Variants in HHLA2 observed in about 807,000 individuals in gnomAD.
HHLA2 encodes HERV-H LTR-associating protein 2.
A neutral mutation model predicts 45.9 loss-of-function variants in HHLA2; 48 were observed. The observed-to-expected ratio is 1.05, with a 90% CI of 0.83 to 1.33. HHLA2 has a LOEUF of 1.33. Among genes scored for constraint, HHLA2 ranks in the 40% most tolerant of loss-of-function variants. The pLI is 0.00. For missense variants in HHLA2, 462 were observed against 494.3 expected (o/e 0.93, Z 0.62); for synonymous variants, 161 against 173.9 (o/e 0.93, Z 0.59).
chr3:108,322,133 C>G (rs1484719523), intron 2 of HHLA2, among the ~76,000 whole-genome samples: 1 of 152,014 alleles, frequency 6.6e-6, no homozygotes, highest in African/African-American at 2.4e-5. Flanking sequence ...TCTGGTAATC[C>G]CTCAATGTCT....
intron 3 of HHLA2, among the ~76,000 whole-genome samples, chr3:108,330,814 C>A (rs1040088937): frequency 1.1e-4 from 16 of 152,108 alleles, no homozygotes; most frequent in African/African-American, 3.6e-4. Flanking sequence ...AGATGCCTAA[C>A]CCACAGAGAT....
In HHLA2 at chr3:108,307,626, C is replaced by T. The variant is rs533135466; in HGVS notation, c.-191-3029C>T. On this transcript the variant is annotated intron_variant, in intron 1 of 10. Coordinates refer to ENST00000619531, the Ensembl canonical transcript of HHLA2. ...TTCAGTCTGGGCAATAAGAGTGAAA[C>T]TCTGTCTCAAAAAAAAAAAAAAGAG... Among the ~76,000 whole-genome samples, 5 of 149,858 alleles carry T rather than the reference C, an allele frequency of 3.3e-5. No individual in the cohort carries two copies. The South Asian group carries it at 1.1e-3, about 32-fold the overall frequency.
chr3:108,351,874 C>G, exon 4 of HHLA2: 2 of 1,605,844 alleles, frequency 1.2e-6, no homozygotes, highest in Non-Finnish European at 1.7e-6. Context: ...GAGTGGATCT[C>G]AAGGTAATTT....
chr3:108,318,550 G>A (rs2081142624), intron 2 of HHLA2, among the ~76,000 whole-genome samples: 2 of 151,920 alleles, frequency 1.3e-5, no homozygotes. Flanking sequence ...TCTAATTCCT[G>A]GAAATAAAAA....
chr3:108,334,807 C>T (rs548270333), intron 3 of HHLA2, among the ~76,000 whole-genome samples: 1 of 152,226 alleles, frequency 6.6e-6, no homozygotes, highest in South Asian at 2.1e-4. Context: ...GCTATGGGAT[C>T]CCAGGGGTGA....
intron 2 of HHLA2, among the ~76,000 whole-genome samples, chr3:108,316,372 T>G (rs2081103001): frequency 6.6e-6 from 1 of 152,228 alleles, no homozygotes; most frequent in Non-Finnish European, 1.5e-5. Context: ...GTAGGCATGA[T>G]AAATATTAAA....
chr3:108,302,100 G>A (rs1249056237), intron 1 of HHLA2, among the ~76,000 whole-genome samples: 2 of 152,156 alleles, frequency 1.3e-5, no homozygotes, highest in East Asian at 3.8e-4. Flanking sequence ...ACACAAGAAT[G>A]TATACTTGTG....
intron 3 of HHLA2, among the ~76,000 whole-genome samples, chr3:108,347,242 G>T (rs535293960): frequency 4.0e-4 from 61 of 152,300 alleles, no homozygotes; most frequent in African/African-American, 1.4e-3. Context: ...ACTAAATCAA[G>T]CCTTTGTGTA....
chr3:108,323,483 A>G (rs993170889), intron 2 of HHLA2, among the ~76,000 whole-genome samples: 2 of 152,172 alleles, frequency 1.3e-5, no homozygotes, highest in Non-Finnish European at 2.9e-5. Flanking sequence ...GATAAGAAAC[A>G]AAATTATAAA....
At chr3:108,355,029 T>C in intron 5 of HHLA2, 86 bp from the exon 5 acceptor site, 1 of 1,372,698 alleles carries the variant, frequency 7.3e-7, no homozygotes, top group Non-Finnish European at 9.8e-7. Flanking sequence ...TTTCATTTCA[T>C]GGATATTAAA....
In HHLA2 at chr3:108,339,648, C is replaced by T. The variant is rs559154281; in HGVS notation, c.-27+11301C>T. ...AATACTACCAAAAGGGTTAATAAAACGCAAGAGAAAAGAGAAAATTATTGA... is the reference window on the plus strand; with the variant it reads ...AATACTACCAAAAGGGTTAATAAAATGCAAGAGAAAAGAGAAAATTATTGA... On this transcript the variant is annotated intron_variant, in intron 3 of 10. Transcript: ENST00000619531. 1.4e-3 allele frequency among the ~76,000 whole-genome samples: 219 copies of T among 152,010 alleles called. 1 individual carries two copies. The highest frequency in any genetic ancestry group is 4.7e-3 in the African/African-American group (193 of 41,484).
chr3:108,311,191 G>A (rs2081012847), intron 2 of HHLA2, among the ~76,000 whole-genome samples: 1 of 152,102 alleles, frequency 6.6e-6, no homozygotes, highest in Non-Finnish European at 1.5e-5. Context: ...TTTCTAATAA[G>A]CCTGTAATCA....
At chr3:108,349,020 CTTTATA>C (rs2081725201) in intron 3 of HHLA2, among the ~76,000 whole-genome samples, 1 of 152,050 alleles carries the variant, frequency 6.6e-6, no homozygotes, top group Admixed American at 6.5e-5. Flanking sequence ...GCCACATTTT[CTTTATA>C]CAGTCTATCA....
intron 2 of HHLA2, among the ~76,000 whole-genome samples, chr3:108,319,082 G>A (rs769841491): frequency 2.6e-5 from 4 of 151,958 alleles, no homozygotes; most frequent in African/African-American, 7.3e-5. Flanking sequence ...TCCCACATCC[G>A]AAATTCCTGT....
chr3:108,317,664 T>C (rs1049989799), intron 2 of HHLA2, among the ~76,000 whole-genome samples: 4 of 150,612 alleles, frequency 2.7e-5, no homozygotes, highest in South Asian at 2.1e-4. Context: ...AACCTCTGCC[T>C]CCTAGGTTCA....
intron 1 of HHLA2, among the ~76,000 whole-genome samples, chr3:108,300,372 G>T (rs764104992): frequency 1.5e-3 from 221 of 152,194 alleles, no homozygotes; most frequent in Non-Finnish European, 2.8e-3. Context: ...ACCACAAGGA[G>T]TTGATGAGTC....
chr3:108,367,065 G>A (rs2082077324), intron 8 of HHLA2, among the ~76,000 whole-genome samples: 1 of 152,140 alleles, frequency 6.6e-6, no homozygotes, highest in South Asian at 2.1e-4. Context: ...AGGCAAATAG[G>A]AACTGGAGTG....
rs528730229 is a variant in HHLA2, at chr3:108,348,343, A to G, written c.-26-3445A>G. 8.5e-5 allele frequency among the ~76,000 whole-genome samples: 13 copies of G among 152,272 alleles called. No individual in the cohort carries two copies. In the South Asian group the frequency reaches 2.1e-3, roughly 24 times the overall value. On this transcript the variant is annotated intron_variant, in intron 3 of 10. Transcript: ENST00000619531. Reference sequence around the variant, plus strand: ...AGGTTGAGTTAGATGAGGACAAATAATATCACTGTTTTTGGTGTTCTTGGT... The same window carrying G: ...AGGTTGAGTTAGATGAGGACAAATAGTATCACTGTTTTTGGTGTTCTTGGT...
chr3:108,375,301 G>A (rs1262988244), intron 8 of HHLA2, among the ~76,000 whole-genome samples: 2 of 148,988 alleles, frequency 1.3e-5, no homozygotes, highest in South Asian at 2.2e-4. Flanking sequence ...GACACAGGAA[G>A]GGGAACATCA....
Sources: gnomAD v4.1 joint callset for allele counts (sites outside exome capture counted in the v4.1 genomes callset) on GRCh38, gnomAD v4.1.1 for gene constraint, MANE v1.5 for transcripts, NCBI Gene and HGNC (gene_info 2026-07-23, HGNC 2026-07-21) for gene names.